Variants in FAM20C observed in about 807,000 individuals in gnomAD.
FAM20C encodes extracellular serine/threonine protein kinase FAM20C.
In FAM20C, 40 loss-of-function variants were observed where a neutral mutation model predicts 51.5. That is an observed-to-expected ratio of 0.78 (90% CI 0.60 to 1.01). The LOEUF (loss-of-function observed/expected upper bound fraction) is 1.01, where lower values mean the gene tolerates loss of function less well. FAM20C is among the 50% of genes least tolerant of loss of function. FAM20C has a pLI of 0.00. For synonymous variants in FAM20C, 406 were observed against 380.6 expected (o/e 1.07, Z -0.78); for missense variants, 861 against 844.7 (o/e 1.02, Z -0.24).
chr7:211,907 C>G (rs1375284878), intron 3 of FAM20C, among the ~76,000 whole-genome samples: 1 of 152,020 alleles, frequency 6.6e-6, no homozygotes, highest in Non-Finnish European at 1.5e-5. Context: ...CTTTTGCAAA[C>G]CTCCCAGCTC....
At chr7:194,896 T>C (rs1785774494) in intron 1 of FAM20C, among the ~76,000 whole-genome samples, 1 of 151,596 alleles carries the variant, frequency 6.6e-6, no homozygotes, top group South Asian at 2.1e-4. Context: ...AGACGGAGGG[T>C]CTGTCCCTCC....
chr7:245,813 C>T (rs2115143906), intron 3 of FAM20C: 1 of 152,482 alleles, frequency 6.6e-6, no homozygotes, highest in East Asian at 1.9e-4. Flanking sequence ...AACAGCCCCA[C>T]CTGTGGCCTC....
intron 3 of FAM20C, among the ~76,000 whole-genome samples, chr7:242,648 A>G (rs1187302268): frequency 6.6e-6 from 1 of 152,184 alleles, no homozygotes; most frequent in East Asian, 1.9e-4. Flanking sequence ...ACTGCACACC[A>G]CTAGCCAGGT....
At chr7:248,825 C>T (rs533870070) in intron 5 of FAM20C, among the ~76,000 whole-genome samples, 1 of 151,844 alleles carries the variant, frequency 6.6e-6, no homozygotes, top group African/African-American at 2.4e-5. Context: ...GCATTCATCT[C>T]TCCACGTAGC....
At chr7:230,993 G>A (rs972973794) in intron 3 of FAM20C, among the ~76,000 whole-genome samples, 3 of 152,120 alleles carry the variant, frequency 2.0e-5, no homozygotes, top group Non-Finnish European at 2.9e-5. Context: ...TGGGAGTTTC[G>A]CCTGAGCCCA....
At chr7:210,056 G>A (rs1325154874) in intron 3 of FAM20C, among the ~76,000 whole-genome samples, 2 of 152,210 alleles carry the variant, frequency 1.3e-5, no homozygotes, top group Non-Finnish European at 2.9e-5. Context: ...AGCCCGGGCC[G>A]AGGGCATCCC....
intron 3 of FAM20C, among the ~76,000 whole-genome samples, chr7:224,259 G>A (rs60732378): frequency 0.1 from 5,061 of 49,978 alleles, 276 homozygotes; most frequent in South Asian, 0.16. Context: ...TCACGGGGTC[G>A]CATGGCGGCT....
chr7:249,298 A>C, intron 5 of FAM20C, among the ~76,000 whole-genome samples: 1 of 152,232 alleles, frequency 6.6e-6, no homozygotes. Flanking sequence ...GGTGCCCTTG[A>C]GGGGATACAG....
In FAM20C at chr7:257,001, G is replaced by A. The variant is rs778317529; in HGVS notation, c.1364-4G>A. 2.4e-4 allele frequency: 371 copies of A among 1,536,936 alleles called. No homozygotes were observed. The highest frequency in any genetic ancestry group is 5.0e-4 in the Middle Eastern group (3 of 6,012). Reference sequence around the variant, plus strand: ...GCTGTGACACTTTCTGCCTCTCTCCGCAGGAAACATGGACCGTCACCACTA... The same window carrying A: ...GCTGTGACACTTTCTGCCTCTCTCCACAGGAAACATGGACCGTCACCACTA... On this transcript the variant is annotated splice_region_variant and splice_polypyrimidine_tract_variant and intron_variant, in intron 7 of 9. Transcript: ENST00000313766.
intron 5 of FAM20C, among the ~76,000 whole-genome samples, chr7:249,556 C>T (rs1160946574): frequency 2.6e-5 from 4 of 152,228 alleles, no homozygotes; most frequent in South Asian, 4.1e-4. Flanking sequence ...GACTGGGCAA[C>T]GTGGTGAGAC....
intron 3 of FAM20C, among the ~76,000 whole-genome samples, chr7:233,574 C>A (rs932725266): frequency 6.6e-6 from 1 of 152,172 alleles, no homozygotes; most frequent in African/African-American, 2.4e-5. Flanking sequence ...CTGGCCCTTC[C>A]GGCTCCTGGA....
At chr7:207,094 C>T (rs28584392) in intron 2 of FAM20C, among the ~76,000 whole-genome samples, 1 of 28,264 alleles carries the variant, frequency 3.5e-5, no homozygotes, top group Non-Finnish European at 7.4e-5. Context: ...GCGTCGGTCA[C>T]TGTCCCCTCG....
chr7:208,185 CG>C (rs1204946646), intron 2 of FAM20C, among the ~76,000 whole-genome samples: 3 of 142,098 alleles, frequency 2.1e-5, no homozygotes, highest in South Asian at 2.3e-4. Flanking sequence ...AGGGGTGTGT[CG>C]GGGGGTGTCT....
At chr7:252,317 C>T (rs1788431835) in intron 5 of FAM20C, among the ~76,000 whole-genome samples, 1 of 137,142 alleles carries the variant, frequency 7.3e-6, no homozygotes, top group African/African-American at 2.7e-5. Context: ...ACCAAGGATG[C>T]CAGGTCATCT....
intron 1 of FAM20C, 125 bp downstream of exon 1, chr7:193,929 G>T: frequency 7.4e-7 from 1 of 1,352,692 alleles, no homozygotes; most frequent in Non-Finnish European, 9.6e-7. Context: ...GTGTGGTGCG[G>T]GAGGAGGCAG....
chr7:258,035 C>CA (rs1343836061), intron 8 of FAM20C, among the ~76,000 whole-genome samples: 4 of 38,928 alleles, frequency 1.0e-4, no homozygotes, highest in African/African-American at 1.2e-4. Flanking sequence ...ACCCACTGCC[C>CA]GGGTGCTGGA....
intron 2 of FAM20C, among the ~76,000 whole-genome samples, chr7:205,346 C>T (rs1422669045): frequency 2.0e-5 from 3 of 150,844 alleles, no homozygotes; most frequent in Admixed American, 6.6e-5. Flanking sequence ...GGACACGCAC[C>T]GCCACGACGT....
chr7:256,343 G>C (rs1447961696), intron 6 of FAM20C: 1 of 571,304 alleles, frequency 1.8e-6, no homozygotes. Context: ...AACGGCCCCT[G>C]TTCTTTCCGC....
In FAM20C at chr7:259,971, G is replaced by T. The variant is rs757913083; in HGVS notation, c.1746G>T (p.Ser582=). 1 of 1,513,620 alleles carries T rather than the reference G, an allele frequency of 6.6e-7. No individual in the cohort carries two copies. The highest frequency in any genetic ancestry group is 1.4e-5 in the African/African-American group (1 of 72,604). The allele number at this position is 1,513,620 out of a possible 1,614,324, so 93.8% of individuals were successfully genotyped here. Residue 582 remains serine (S), a synonymous_variant, in exon 10 of 10, where the codon TCG becomes TCT. Transcript: ENST00000313766. The part of the protein sequence containing the change: ...DDLDTEHRAA[S]AR ...TGGACACTGAGCACAGAGCCGCCTC[G>T]GCGAGGTAGTGTCCGCCGGCCGCTG...
Sources: gnomAD v4.1 joint callset for allele counts (sites outside exome capture counted in the v4.1 genomes callset) on GRCh38, gnomAD v4.1.1 for gene constraint, MANE v1.5 for transcripts, NCBI Gene and HGNC (gene_info 2026-07-23, HGNC 2026-07-21) for gene names.